Variants in PHACTR1 observed in about 807,000 individuals in gnomAD.
PHACTR1 encodes the protein RPEL repeat containing 1.
In PHACTR1, 16 loss-of-function variants were observed where a neutral mutation model predicts 69.2. The observed-to-expected ratio is 0.23, with a 90% CI of 0.16 to 0.35. The LOEUF (loss-of-function observed/expected upper bound fraction) is 0.35. Ranked by LOEUF, PHACTR1 falls within the 10% of genes least tolerant of loss-of-function variation. The pLI is 1.00. For synonymous variants in PHACTR1, 312 were observed against 284.5 expected, an observed-to-expected ratio of 1.10 and a Z score of -0.97; for missense variants, 510 against 734.7, an observed-to-expected ratio of 0.69 and a Z score of 3.54.
intron 4 of PHACTR1, among the ~76,000 whole-genome samples, chr6:13,031,428 T>C (rs1802436295): frequency 6.6e-6 from 1 of 152,250 alleles, no homozygotes; most frequent in Admixed American, 6.5e-5. Flanking sequence ...GTTAGCAACA[T>C]TGAATGTGGT....
At chr6:12,770,941 A>G (rs190612022) in intron 4 of PHACTR1, among the ~76,000 whole-genome samples, 26 of 152,334 alleles carry the variant, frequency 1.7e-4, no homozygotes, top group African/African-American at 1.7e-4. Flanking sequence ...GTGTAAAGGC[A>G]TGAGTGCAAA....
rs1583880887 is a variant in PHACTR1 at position 13,199,151 on chromosome 6, G to A, written c.665-6664G>A. Among the ~76,000 whole-genome samples, 4 of 152,246 alleles carry A rather than the reference G, an allele frequency of 2.6e-5. No homozygotes were observed. The South Asian group carries it at 8.3e-4, about 32-fold the overall frequency. On this transcript the variant is annotated intron_variant, in intron 7 of 14. Coordinates refer to ENST00000332995, the MANE Select transcript of PHACTR1 (RefSeq NM_030948.6). ...ACCTGTAATCCCAGCACTTTGGGAG[G>A]CCAAGGCAGGTGGATCACGAGGTCA...
intron 4 of PHACTR1, among the ~76,000 whole-genome samples, chr6:12,802,257 CATA>C (rs993573559): frequency 2.0e-5 from 3 of 148,264 alleles, no homozygotes; most frequent in Non-Finnish European, 4.5e-5. Context: ...CTTTTTCCAA[CATA>C]ATAACTTATT....
At chr6:13,262,725 C>T (rs141896313) in intron 10 of PHACTR1, among the ~76,000 whole-genome samples, 1 of 152,198 alleles carries the variant, frequency 6.6e-6, no homozygotes, top group Admixed American at 6.5e-5. Context: ...CCCATCTACA[C>T]TTCTGGATAC....
intron 13 of PHACTR1, among the ~76,000 whole-genome samples, chr6:13,285,557 G>A (rs997934555): frequency 3.4e-4 from 51 of 152,162 alleles, no homozygotes; most frequent in Non-Finnish European, 3.2e-4. Flanking sequence ...TGTCTTCAGT[G>A]GCAGTATTAT....
At chr6:12,891,237 G>A (rs1431140423) in intron 4 of PHACTR1, among the ~76,000 whole-genome samples, 1 of 152,000 alleles carries the variant, frequency 6.6e-6, no homozygotes, top group African/African-American at 2.4e-5. Context: ...GGTGATCAGT[G>A]TGAAAAGCTA....
rs774732433 is a variant in PHACTR1, at chr6:12,749,701, A to T, written c.161A>T (p.Asp54Val). The T allele has an allele frequency of 4.3e-6, 7 of 1,611,686 alleles. No individual in the cohort carries two copies. Among genetic ancestry groups the T allele is most frequent in the African/African-American group, 1.3e-5 (1 of 74,500 alleles). Residue 54 changes from aspartate to valine, a missense_variant, in exon 4 of 15, where the codon GAT (aspartate) becomes GTT (valine). Coordinates refer to ENST00000332995, the MANE Select transcript of PHACTR1 (RefSeq NM_030948.6). ...PTLMAASSED[D>V]IDRRPIRRVR... ...TTAATGGCGGCATCCTCGGAGGATG[A>T]TATAGACCGGCGGCCCATCCGGAGA...
intron 5 of PHACTR1, among the ~76,000 whole-genome samples, chr6:13,145,635 G>C (rs967164532): frequency 2.6e-5 from 4 of 152,176 alleles, no homozygotes; most frequent in African/African-American, 7.2e-5. Flanking sequence ...TCCCTGATCT[G>C]ATAGAATTAA....
At chr6:13,155,006 G>T (rs1757962718) in intron 5 of PHACTR1, among the ~76,000 whole-genome samples, 1 of 151,994 alleles carries the variant, frequency 6.6e-6, no homozygotes, top group African/African-American at 2.4e-5. Flanking sequence ...AGGTCCAATG[G>T]TTGTCCCTTT....
intron 5 of PHACTR1, among the ~76,000 whole-genome samples, chr6:13,143,425 A>C (rs1331786033): frequency 1.3e-5 from 2 of 152,308 alleles, no homozygotes; most frequent in East Asian, 1.9e-4. Flanking sequence ...TTTATCCACA[A>C]AAACTTAAAA....
intron 4 of PHACTR1, among the ~76,000 whole-genome samples, chr6:12,944,779 T>TTA (rs367617126): frequency 0.3 from 41,968 of 137,914 alleles, 6,340 homozygotes; most frequent in African/African-American, 0.39. Flanking sequence ...ATTTATTTAT[T>TTA]TTTATTTATT....
intron 3 of PHACTR1, 42 bp downstream of exon 3, chr6:12,718,889 G>T (rs1346234055): frequency 1.6e-6 from 2 of 1,274,028 alleles, no homozygotes; most frequent in South Asian, 2.7e-5. Context: ...TTTGCACGTC[G>T]GTTTTATATG....
At chr6:13,218,885 AG>A (rs1768147239) in intron 8 of PHACTR1, among the ~76,000 whole-genome samples, 1 of 102,978 alleles carries the variant, frequency 9.7e-6, no homozygotes, top group Admixed American at 9.0e-5. Context: ...AGAGAAGAGA[AG>A]AGAAGAGAAG....
chr6:13,272,609 T>C (rs930976046), intron 10 of PHACTR1: 7 of 1,113,208 alleles, frequency 6.3e-6, no homozygotes, highest in African/African-American at 1.6e-5. Flanking sequence ...CTGGAGGAGA[T>C]GGGGCTGGGG....
intron 4 of PHACTR1, among the ~76,000 whole-genome samples, chr6:12,852,148 A>G (rs1383572120): frequency 6.6e-6 from 1 of 152,156 alleles, no homozygotes; most frequent in Non-Finnish European, 1.5e-5. Flanking sequence ...AAACATTTTT[A>G]TTATGTTCTA....
At chr6:12,763,029 C>T (rs1431679578) in intron 4 of PHACTR1, among the ~76,000 whole-genome samples, 4 of 152,124 alleles carry the variant, frequency 2.6e-5, no homozygotes, top group Non-Finnish European at 5.9e-5. Flanking sequence ...GCCTGACCAA[C>T]GTGGAGAAAC....
At chr6:13,113,390 C>A (rs1817340420) in intron 5 of PHACTR1, among the ~76,000 whole-genome samples, 2 of 152,088 alleles carry the variant, frequency 1.3e-5, no homozygotes, top group Non-Finnish European at 2.9e-5. Context: ...TTCCAAGAAA[C>A]AGATCATTAC....
At chr6:12,957,825 A>G (rs1028586438) in intron 4 of PHACTR1, 1 of 985,462 alleles carries the variant, frequency 1.0e-6, no homozygotes, top group African/African-American at 1.7e-5. Flanking sequence ...GGAGCTGGTC[A>G]GCGGCCAGGG....
intron 4 of PHACTR1, among the ~76,000 whole-genome samples, chr6:12,760,762 A>G (rs1405653503): frequency 6.6e-6 from 1 of 152,090 alleles, no homozygotes; most frequent in Non-Finnish European, 1.5e-5. Context: ...ATGAAACCCC[A>G]TCTCTACTAA....
Sources: gnomAD v4.1 joint callset for allele counts (sites outside exome capture counted in the v4.1 genomes callset) on GRCh38, gnomAD v4.1.1 for gene constraint, MANE v1.5 for transcripts, NCBI Gene and HGNC (gene_info 2026-07-23, HGNC 2026-07-21) for gene names.